The following PTPRD variants were observed in gnomAD, a reference collection of about 807,000 sequenced individuals.
PTPRD encodes the protein receptor-type tyrosine-protein phosphatase delta.
In PTPRD, 34 loss-of-function variants were observed where a neutral mutation model predicts 214.5. The observed-to-expected ratio is 0.16, with a 90% CI of 0.12 to 0.21. PTPRD has a LOEUF of 0.21. Among genes scored for constraint, PTPRD ranks in the 10% least tolerant of loss-of-function variants. The pLI is 1.00. For synonymous variants in PTPRD, 1,128 were observed against 845.7 expected (o/e 1.33, Z -5.79); for missense variants, 2,545 against 2,398.7 (o/e 1.06, Z -1.27).
intron 2 of PTPRD, among the ~76,000 whole-genome samples, chr9:10,537,039 T>C (rs1415063429): frequency 6.6e-6 from 1 of 152,182 alleles, no homozygotes; most frequent in Non-Finnish European, 1.5e-5. Flanking sequence ...ATTTCTTTTC[T>C]AGCTCTGAAA....
intron 7 of PTPRD, among the ~76,000 whole-genome samples, chr9:9,610,481 C>A (rs929748219): frequency 6.6e-6 from 1 of 152,110 alleles, no homozygotes; most frequent in Non-Finnish European, 1.5e-5. Context: ...AGCAAGGATT[C>A]ATATTTACAC....
chr9:9,955,787 GC>G lies in PTPRD; in HGVS notation c.-471-17178del, dbSNP rs375962646. On this transcript the variant is annotated intron_variant, in intron 4 of 45. Transcript: ENST00000381196. ...ATAGCCCGCCTCGGCCTCCCAAAGTGCTGGGATTACAGGCGTGAGCCACCAC... is the reference window on the plus strand; with the variant it reads ...ATAGCCCGCCTCGGCCTCCCAAAGTGTGGGATTACAGGCGTGAGCCACCAC... 1.3e-3 allele frequency among the ~76,000 whole-genome samples: 193 copies of G among 152,288 alleles called. 3 individuals carry two copies. In the East Asian group the frequency reaches 0.032, roughly 25 times the overall value.
intron 11 of PTPRD, among the ~76,000 whole-genome samples, chr9:8,790,073 G>C (rs2096162099): frequency 6.6e-6 from 1 of 152,108 alleles, no homozygotes; most frequent in South Asian, 2.1e-4. Flanking sequence ...CTGAATTGCA[G>C]TGCTGCCATC....
intron 2 of PTPRD, among the ~76,000 whole-genome samples, chr9:10,413,780 A>G (rs2098460622): frequency 6.6e-6 from 1 of 151,990 alleles, no homozygotes; most frequent in South Asian, 2.1e-4. Flanking sequence ...AATGGAACAG[A>G]CTAGAAAACC....
chr9:9,331,596 G>A (rs1036295985), intron 9 of PTPRD, among the ~76,000 whole-genome samples: 4 of 152,068 alleles, frequency 2.6e-5, no homozygotes, highest in Non-Finnish European at 4.4e-5. Flanking sequence ...AAAGGGGTAT[G>A]TTTTACAAAT....
At chr9:10,199,741 T>A (rs922706851) in intron 3 of PTPRD, among the ~76,000 whole-genome samples, 1 of 151,994 alleles carries the variant, frequency 6.6e-6, no homozygotes, top group African/African-American at 2.4e-5. Flanking sequence ...CACCCAAGTC[T>A]GATTCCAAAG....
chr9:10,489,475 A>C (rs921254459), intron 2 of PTPRD, among the ~76,000 whole-genome samples: 2 of 152,170 alleles, frequency 1.3e-5, no homozygotes, highest in African/African-American at 4.8e-5. Context: ...CTAGTGTCTC[A>C]GTATGGCACA....
chr9:9,227,984 T>C (rs1435807309), intron 9 of PTPRD, among the ~76,000 whole-genome samples: 1 of 152,136 alleles, frequency 6.6e-6, no homozygotes, highest in African/African-American at 2.4e-5. Flanking sequence ...AGATAAGTAA[T>C]GCCCTATTTT....
chr9:9,731,772 A>G (rs926217801), intron 7 of PTPRD, among the ~76,000 whole-genome samples: 1 of 152,192 alleles, frequency 6.6e-6, no homozygotes, highest in Non-Finnish European at 1.5e-5. Context: ...GAACACTTGG[A>G]CACAGTAAGG....
At chr9:9,055,461 A>C (rs2099694472) in intron 10 of PTPRD, among the ~76,000 whole-genome samples, 1 of 152,132 alleles carries the variant, frequency 6.6e-6, no homozygotes, top group East Asian at 1.9e-4. Context: ...TCTCATCCAA[A>C]AGTGCCCTCG....
intron 7 of PTPRD, among the ~76,000 whole-genome samples, chr9:9,662,457 G>A (rs904899172): frequency 8.6e-5 from 13 of 151,682 alleles, no homozygotes; most frequent in African/African-American, 2.9e-4. Flanking sequence ...CCATAAATAA[G>A]CAATAATGTA....
At chr9:10,452,047 T>C (rs982627159) in intron 2 of PTPRD, among the ~76,000 whole-genome samples, 1 of 152,020 alleles carries the variant, frequency 6.6e-6, no homozygotes, top group Non-Finnish European at 1.5e-5. Flanking sequence ...ATATCCTTAA[T>C]AATTTACAGT....
chr9:8,675,329 T>C (rs1214914238), intron 12 of PTPRD, among the ~76,000 whole-genome samples: 1 of 152,026 alleles, frequency 6.6e-6, no homozygotes, highest in African/African-American at 2.4e-5. Flanking sequence ...AAAGGTTTTA[T>C]CACATATCCT....
intron 14 of PTPRD, among the ~76,000 whole-genome samples, chr9:8,619,575 C>T (rs138431336): frequency 0.012 from 1,752 of 152,084 alleles, 12 homozygotes; most frequent in South Asian, 0.019. Context: ...ACTATGTCTT[C>T]TTTAATGCCT....
At chr9:8,637,061 G>A (rs1446022161) in intron 12 of PTPRD, among the ~76,000 whole-genome samples, 3 of 152,100 alleles carry the variant, frequency 2.0e-5, no homozygotes, top group African/African-American at 7.2e-5. Flanking sequence ...ATCTATTAGT[G>A]CTTTTATTGC....
chr9:9,939,304 G>C (rs1466585480), intron 4 of PTPRD, among the ~76,000 whole-genome samples: 3 of 152,244 alleles, frequency 2.0e-5, no homozygotes, highest in East Asian at 1.9e-4. Context: ...CTGACCTTTA[G>C]TATTTTAGCC....
intron 6 of PTPRD, among the ~76,000 whole-genome samples, chr9:9,747,253 CT>C (rs36083932): frequency 0.75 from 114,272 of 151,902 alleles, 44,023 homozygotes; most frequent in Middle Eastern, 0.89. Flanking sequence ...TCAACAGCTT[CT>C]GTTCAGGCTC....
intron 12 of PTPRD, among the ~76,000 whole-genome samples, chr9:8,694,558 A>G (rs1004947463): frequency 2.0e-5 from 3 of 152,148 alleles, no homozygotes; most frequent in African/African-American, 7.2e-5. Flanking sequence ...CCAGCAGAAG[A>G]TAAAAATGAC....
At chr9:10,561,267 G>A (rs1051494908) in intron 2 of PTPRD, among the ~76,000 whole-genome samples, 4 of 152,174 alleles carry the variant, frequency 2.6e-5, no homozygotes, top group South Asian at 2.1e-4. Context: ...TGTCAGGGTC[G>A]TTTTATAAGA....
Sources: allele counts gnomAD v4.1 joint callset (sites outside exome capture counted in the v4.1 genomes callset), GRCh38; gene constraint gnomAD v4.1.1; transcripts MANE v1.5; gene names NCBI Gene and HGNC (gene_info 2026-07-23, HGNC 2026-07-21).